The following SS18L1 variants were observed in gnomAD, a reference collection of about 807,000 sequenced individuals.
SS18L1 encodes calcium-responsive transactivator.
A neutral mutation model predicts 70.3 loss-of-function variants in SS18L1; 32 were observed. That is an observed-to-expected ratio of 0.46 (90% CI 0.34 to 0.61). The LOEUF is 0.61. Ranked by LOEUF, SS18L1 falls within the 20% of genes least tolerant of loss-of-function variation. SS18L1 has a pLI of 0.01. For synonymous variants in SS18L1, 237 were observed against 229.7 expected, an observed-to-expected ratio of 1.03 and a Z score of -0.29; for missense variants, 430 against 542.1, an observed-to-expected ratio of 0.79 and a Z score of 2.05.
intron 8 of SS18L1, among the ~76,000 whole-genome samples, chr20:62,170,066 A>C (rs2057503012): frequency 6.6e-6 from 1 of 152,172 alleles, no homozygotes; most frequent in Admixed American, 6.5e-5. Flanking sequence ...AGCGTCGTTC[A>C]CATGTTCCTC....
intron 8 of SS18L1, among the ~76,000 whole-genome samples, chr20:62,172,417 C>G (rs1331983656): frequency 1.3e-5 from 2 of 152,156 alleles, no homozygotes; most frequent in Non-Finnish European, 2.9e-5. Flanking sequence ...ATCAGCATCT[C>G]TCTGGGGAGC....
chr20:62,176,792 C>T (rs1433315020), intron 10 of SS18L1, among the ~76,000 whole-genome samples: 1 of 129,486 alleles, frequency 7.7e-6, no homozygotes, highest in Non-Finnish European at 1.5e-5. Flanking sequence ...GAGACTCCAT[C>T]TCAAAAAAAA....
In SS18L1 at chr20:62,153,915, G is replaced by A. The variant is rs1311152351; in HGVS notation, c.70-4757G>A. 9.9e-5 allele frequency among the ~76,000 whole-genome samples: 15 copies of A among 152,144 alleles called. 1 individual carries two copies. In the South Asian group the frequency reaches 2.5e-3, roughly 25 times the overall value. On this transcript the variant is annotated intron_variant, in intron 1 of 10. Coordinates refer to ENST00000331758, the MANE Select transcript of SS18L1 (RefSeq NM_198935.3). ...GTGTCCCTTTAAACAGAATTCCCAC[G>A]CTCCCTTCACTCGACTGCTGGCATG...
chr20:62,169,566 A>C (rs747643141), intron 8 of SS18L1, among the ~76,000 whole-genome samples: 1 of 151,864 alleles, frequency 6.6e-6, no homozygotes, highest in South Asian at 2.1e-4. Context: ...ATCACTTGAG[A>C]TCAGTAGTTT....
At chr20:62,168,315 CTT>C (rs2057471295) in intron 8 of SS18L1, among the ~76,000 whole-genome samples, 1 of 152,200 alleles carries the variant, frequency 6.6e-6, no homozygotes, top group East Asian at 1.9e-4. Flanking sequence ...CATGGTGACA[CTT>C]TACCCTACAG....
At position 62,152,479 on chromosome 20, in the gene SS18L1, C is replaced by T. The variant is rs6121920; in HGVS notation, c.70-6193C>T. Among the ~76,000 whole-genome samples the T allele has an allele frequency of 9.7e-3, 1,484 of 152,308 alleles. 19 individuals are homozygous for T. The highest frequency in any genetic ancestry group is 0.032 in the African/African-American group (1,330 of 41,566). The stretch of plus-strand genomic sequence containing the variant: ...AGTGCTTTCCCGGTGGCGTCTCTGG[C>T]GCGGGTTTACCCCTGAACCTGTAGA... On this transcript the variant is annotated intron_variant, in intron 1 of 10. Coordinates refer to ENST00000331758, the MANE Select transcript of SS18L1 (RefSeq NM_198935.3).
At position 62,182,332 on chromosome 20, in the gene SS18L1, A is replaced by G. The variant is rs747206574; in HGVS notation, c.*3124A>G. The G allele has an allele frequency of 1.4e-5, 3 of 210,834 alleles. No homozygotes were observed. Among genetic ancestry groups the G allele is most frequent in the East Asian group, 7.1e-5 (1 of 13,990 alleles). The allele number at this position is 210,834 out of a possible 1,614,324, so 13.1% of individuals were successfully genotyped here. A position where few individuals can be genotyped will look rare whatever the true frequency, so the allele number is the denominator to read the frequency against. ...AAACATTTTTAGCCACTTCATTTCT[A>G]TTTATTGAACAGGTCAAATTTGTCT... On this transcript the variant is annotated 3_prime_UTR_variant, in exon 11 of 11. Coordinates refer to ENST00000331758, the MANE Select transcript of SS18L1 (RefSeq NM_198935.3).
Position 62,158,157 on chromosome 20 carries a change from C to T in SS18L1, c.70-515C>T, listed in dbSNP as rs949489656. On this transcript the variant is annotated intron_variant, in intron 1 of 10. Coordinates refer to ENST00000331758, the MANE Select transcript of SS18L1 (RefSeq NM_198935.3). The surrounding 1 kb of genome is among the most constrained non-coding windows in gnomAD (Gnocchi z 4.5). ...ACATCCTTGCCATCGGCTTGGCTGA[C>T]CCTTGCTGCACAGATGCTCTGCCGT... is the stretch of plus-strand genomic sequence containing the variant. 6.6e-6 allele frequency among the ~76,000 whole-genome samples: 1 copy of T among 152,088 alleles called. No homozygotes were observed. The highest frequency in any genetic ancestry group is 1.5e-5 in the Non-Finnish European group (1 of 68,032).
At chr20:62,175,824 T>A (rs576863091) in intron 10 of SS18L1, among the ~76,000 whole-genome samples, 6 of 152,312 alleles carry the variant, frequency 3.9e-5, no homozygotes, top group Admixed American at 3.9e-4. Context: ...TAACACAGTC[T>A]CCCTGCCAGG....
Position 62,143,796 on chromosome 20 carries a change from A to G in SS18L1, c.-25A>G. 5.3e-6 allele frequency: 7 copies of G among 1,331,662 alleles called. No homozygotes were observed. The highest frequency in any genetic ancestry group is 2.3e-5 in the Admixed American group (1 of 44,314). The allele number at this position is 1,331,662 out of a possible 1,614,324, so 82.5% of individuals were successfully genotyped here. ...AGCCGGAGTATCCACCTCGATGACC[A>G]CGGGCTGAGCCCCGCGCCGCCACCA... On this transcript the variant is annotated 5_prime_UTR_variant, in exon 1 of 11. Transcript: ENST00000331758.
intron 1 of SS18L1, among the ~76,000 whole-genome samples, chr20:62,157,902 C>T (rs1481339345): frequency 1.3e-4 from 20 of 150,488 alleles, no homozygotes; most frequent in Admixed American, 2.6e-4. Flanking sequence ...TTTCTTCTAC[C>T]GGTGGTGCCG....
At chr20:62,155,054 C>T (rs1486140628) in intron 1 of SS18L1, among the ~76,000 whole-genome samples, 1 of 152,182 alleles carries the variant, frequency 6.6e-6, no homozygotes, top group Non-Finnish European at 1.5e-5. Flanking sequence ...TAACCTGCAT[C>T]ACTGCACCGG....
chr20:62,175,007 A>G, intron 10 of SS18L1: 10 of 816,630 alleles, frequency 1.2e-5, no homozygotes, highest in Non-Finnish European at 1.5e-5. Flanking sequence ...GTCTCGCTAC[A>G]GAGACATAAG....
intron 8 of SS18L1, among the ~76,000 whole-genome samples, chr20:62,170,902 T>G (rs1039162622): frequency 1.4e-4 from 21 of 151,808 alleles, no homozygotes; most frequent in African/African-American, 4.4e-4. Flanking sequence ...TATTTTTTTT[T>G]TTTGTTTATG....
chr20:62,176,598 T>G (rs1249259244), intron 10 of SS18L1, among the ~76,000 whole-genome samples: 1 of 152,060 alleles, frequency 6.6e-6, no homozygotes, highest in African/African-American at 2.4e-5. Context: ...GTAGATCACC[T>G]GCAGTCAGGA....
intron 10 of SS18L1, chr20:62,175,175 A>C: frequency 1.1e-6 from 1 of 905,946 alleles, no homozygotes; most frequent in Non-Finnish European, 1.3e-6. Context: ...GGCTCAGCCT[A>C]GGGAGGGGGA....
intron 1 of SS18L1, among the ~76,000 whole-genome samples, chr20:62,146,488 C>CA (rs1215519641): frequency 1.3e-5 from 2 of 152,130 alleles, no homozygotes; most frequent in Non-Finnish European, 2.9e-5. Flanking sequence ...GTTCTGGAGA[C>CA]CAGAAGTCCC....
intron 1 of SS18L1, among the ~76,000 whole-genome samples, chr20:62,157,483 T>C (rs2057244586): frequency 1.3e-5 from 2 of 152,154 alleles, no homozygotes; most frequent in Non-Finnish European, 2.9e-5. Flanking sequence ...GCAGTGCCCA[T>C]CTTGAGCGCA....
intron 8 of SS18L1, among the ~76,000 whole-genome samples, chr20:62,168,221 A>G (rs1462382913): frequency 6.6e-6 from 1 of 152,112 alleles, no homozygotes; most frequent in Non-Finnish European, 1.5e-5. Context: ...TAAGGCCAGT[A>G]AGACAGATGG....
Sources: allele counts gnomAD v4.1 joint callset (sites outside exome capture counted in the v4.1 genomes callset), GRCh38; gene constraint gnomAD v4.1.1; non-coding constraint Gnocchi (gnomAD v3.1); transcripts MANE v1.5; gene names NCBI Gene and HGNC (gene_info 2026-07-23, HGNC 2026-07-21).